Variants in ANKHD1 observed in about 807,000 individuals in gnomAD.
ANKHD1 encodes ankyrin repeat and KH domain-containing protein 1.
ANKHD1 carries 31 observed loss-of-function variants against 230.5 expected under a neutral mutation model. The observed-to-expected ratio is 0.13, with a 90% CI of 0.10 to 0.18. The LOEUF is 0.18. Among genes scored for constraint, ANKHD1 ranks in the 10% least tolerant of loss-of-function variants. The pLI, the probability that ANKHD1 is intolerant of heterozygous loss-of-function variation, is 1.00. For synonymous variants in ANKHD1, 1,074 were observed against 1,117.6 expected (o/e 0.96, Z 0.78); for missense variants, 2,256 against 3,071.3 (o/e 0.73, Z 6.27).
At chr5:140,510,309 CTTTTTTTTTTTTTT>C in intron 22 of ANKHD1, 128 bp downstream of exon 22, 1 of 539,198 alleles carries the variant, frequency 1.9e-6, no homozygotes, top group Non-Finnish European at 2.5e-6. Context: ...TCTTTCCATT[CTTTTTTTTTTTTTT>C]TTTTTTTGAG....
chr5:140,535,962 A>C (rs1754050065), intron 30 of ANKHD1: 1 of 152,094 alleles, frequency 6.6e-6, no homozygotes, highest in Admixed American at 6.6e-5. Flanking sequence ...CAGTGTTGTA[A>C]AATTATTTCT....
intron 10 of ANKHD1, among the ~76,000 whole-genome samples, chr5:140,481,963 T>G (rs1028737310): frequency 1.3e-5 from 2 of 152,068 alleles, no homozygotes; most frequent in African/African-American, 2.4e-5. Context: ...CATGCATGGT[T>G]AAAAACTGTT....
rs762029141 is a variant in ANKHD1, at chr5:140,527,864, A to T, written c.5088-9A>T. ...TTTCATAAGCTCATGTGTATTCTTC[A>T]TTTTATAGGTCAAAGAAATTGTCTG... On this transcript the variant is annotated splice_polypyrimidine_tract_variant and intron_variant, in intron 27 of 33. Coordinates refer to ENST00000360839, the MANE Select transcript of ANKHD1 (RefSeq NM_017747.3). This position sits in a 1 kb window ranked among gnomAD's most constrained non-coding sequence, Gnocchi z 4.5. 3.0e-5 allele frequency: 49 copies of T among 1,609,646 alleles called. No individual in the cohort carries two copies. Among genetic ancestry groups the T allele is most frequent in the Non-Finnish European group, 4.1e-5 (48 of 1,178,172 alleles).
At chr5:140,449,929 A>G (rs1270748908) in intron 7 of ANKHD1, among the ~76,000 whole-genome samples, 1 of 152,178 alleles carries the variant, frequency 6.6e-6, no homozygotes, top group Non-Finnish European at 1.5e-5. Context: ...TAAAACATTT[A>G]ACTGTTTTTT....
Position 140,402,156 on chromosome 5 carries a change from C to T in ANKHD1, c.189C>T (p.Gly63=). ...GAGTCGGCAGCAGCGGCGGCGGCGGCAGCGGCAGCGGTACGGGCGGAGGGG... is the reference window on the plus strand; with the variant it reads ...GAGTCGGCAGCAGCGGCGGCGGCGGTAGCGGCAGCGGTACGGGCGGAGGGG... ...ASGVGSSGGG[G]SGSGTGGGDA... The change falls in exon 1 of 34, where the codon GGC becomes GGT. Residue 63 remains glycine (G), a synonymous_variant. Coordinates refer to ENST00000360839, the MANE Select transcript of ANKHD1 (RefSeq NM_017747.3). The T allele has an allele frequency of 6.5e-7, 1 of 1,529,086 alleles. No individual in the cohort carries two copies. The highest frequency in any genetic ancestry group is 2.5e-5 in the East Asian group (1 of 40,362). 94.7% of individuals were successfully genotyped at this position (1,529,086 alleles called of 1,614,324 possible). A position where few individuals can be genotyped will look rare whatever the true frequency, so the allele number is the denominator to read the frequency against.
chr5:140,475,225 C>T (rs1488051586), intron 10 of ANKHD1, among the ~76,000 whole-genome samples: 6 of 152,184 alleles, frequency 3.9e-5, no homozygotes, highest in Non-Finnish European at 5.9e-5. Flanking sequence ...AATATGTAGT[C>T]GTGCCCCAAA....
chr5:140,445,907 A>G lies in ANKHD1; in HGVS notation c.1079A>G (p.His360Arg), dbSNP rs749571551. The G allele has an allele frequency of 1.2e-6, 2 of 1,613,378 alleles. No homozygotes were observed. Among genetic ancestry groups the G allele is most frequent in the East Asian group, 2.2e-5 (1 of 44,838 alleles). ...HVEVARVLLD[H>R]GAGINTHSNE... ...GAAGTTGCAAGAGTTCTTTTAGATCATGGTGCAGGCATCAACACTCATTCT... is the reference window on the plus strand; with the variant it reads ...GAAGTTGCAAGAGTTCTTTTAGATCGTGGTGCAGGCATCAACACTCATTCT... The change falls in exon 6 of 34, where the codon CAT becomes CGT. Residue 360 changes from histidine to arginine, a missense_variant. This residue lies in a region of ANKHD1 where 206 missense variants were observed against 304.5 expected (regional missense o/e 0.68). Coordinates refer to ENST00000360839, the MANE Select transcript of ANKHD1 (RefSeq NM_017747.3).
intron 2 of ANKHD1, among the ~76,000 whole-genome samples, chr5:140,437,802 A>G (rs1561719790): frequency 2.6e-5 from 4 of 152,132 alleles, no homozygotes; most frequent in South Asian, 4.1e-4. Context: ...AAAATCAACA[A>G]TTTTTGAGAG....
chr5:140,418,539 T>C (rs1279589101), intron 1 of ANKHD1, among the ~76,000 whole-genome samples: 1 of 152,178 alleles, frequency 6.6e-6, no homozygotes, highest in Non-Finnish European at 1.5e-5. Flanking sequence ...CGTGTACTCC[T>C]TAGCAGTCTT....
chr5:140,404,558 T>C (rs1581192646), intron 1 of ANKHD1, among the ~76,000 whole-genome samples: 1 of 151,738 alleles, frequency 6.6e-6, no homozygotes, highest in African/African-American at 2.4e-5. Flanking sequence ...TCAGCCTCCC[T>C]AGTAACTGGG....
chr5:140,454,208 A>G (rs1357073066), intron 7 of ANKHD1, among the ~76,000 whole-genome samples: 1 of 152,182 alleles, frequency 6.6e-6, no homozygotes, highest in Admixed American at 6.5e-5. Context: ...CAGATTCATA[A>G]AGCAAGTCCT....
intron 24 of ANKHD1, among the ~76,000 whole-genome samples, chr5:140,521,948 C>T (rs1259853311): frequency 1.3e-5 from 2 of 152,236 alleles, no homozygotes; most frequent in African/African-American, 4.8e-5. Flanking sequence ...CACTGCACTC[C>T]AGCCTGGGTG....
Position 140,485,329 on chromosome 5 carries a change from G to C in ANKHD1, c.1998+81G>C. The C allele has an allele frequency of 6.7e-7, 1 of 1,499,122 alleles. No individual in the cohort carries two copies. Among genetic ancestry groups the C allele is most frequent in the Non-Finnish European group, 8.9e-7 (1 of 1,121,040 alleles). 92.9% of individuals were successfully genotyped at this position (1,499,122 alleles called of 1,614,324 possible). The stretch of plus-strand genomic sequence containing the variant: ...CCCAGCACTTTAGAAAGCTGAGGCG[G>C]GTGGATCACTTGAGCCCAGGAGTTT... On this transcript the variant is annotated intron_variant, in intron 12 of 33. Transcript: ENST00000360839. The surrounding 1 kb of genome is among the most constrained non-coding windows in gnomAD (Gnocchi z 4.8).
chr5:140,422,525 G>C (rs1238039383), intron 1 of ANKHD1, among the ~76,000 whole-genome samples: 1 of 152,016 alleles, frequency 6.6e-6, no homozygotes, highest in African/African-American at 2.4e-5. Flanking sequence ...TATGTTCCCT[G>C]TCCTTAAAGA....
At chr5:140,446,442 C>T (rs1774288660) in intron 6 of ANKHD1, among the ~76,000 whole-genome samples, 1 of 152,168 alleles carries the variant, frequency 6.6e-6, no homozygotes, top group South Asian at 2.1e-4. Flanking sequence ...CCCACTGCAA[C>T]CTCTGCCTCC....
chr5:140,509,634 C>T lies in ANKHD1; in HGVS notation c.3766-3C>T, dbSNP rs956762634. 2 of 1,539,532 alleles carry T rather than the reference C, an allele frequency of 1.3e-6. No homozygotes were observed. Among genetic ancestry groups the T allele is most frequent in the Middle Eastern group, 1.7e-4 (1 of 5,790 alleles). ...TAGTTGCATAATTTATTGGTTTAAA[C>T]AGACGGGTCTTACCCCCTTGATGGA... On this transcript the variant is annotated splice_polypyrimidine_tract_variant and splice_region_variant and intron_variant, in intron 20 of 33. Coordinates refer to ENST00000360839, the MANE Select transcript of ANKHD1 (RefSeq NM_017747.3).
At chr5:140,448,458 C>T (rs1227231794) in intron 6 of ANKHD1, among the ~76,000 whole-genome samples, 1 of 152,118 alleles carries the variant, frequency 6.6e-6, no homozygotes, top group South Asian at 2.1e-4. Flanking sequence ...TACATATTGC[C>T]AAATTGCCTT....
rs572471210 is a variant in ANKHD1 at position 140,437,469 on chromosome 5, G to A, written c.461-992G>A. 6.6e-4 allele frequency among the ~76,000 whole-genome samples: 101 copies of A among 152,342 alleles called. 1 individual carries two copies. In the South Asian group the frequency reaches 0.016, roughly 24 times the overall value. On this transcript the variant is annotated intron_variant, in intron 2 of 33. Coordinates refer to ENST00000360839, the MANE Select transcript of ANKHD1 (RefSeq NM_017747.3). ...TGTAATCCCAGCACTTCGGGAGGCC[G>A]AGGCAGGTGGATCACTTGAGGTCAG... is the stretch of plus-strand genomic sequence containing the variant.
At position 140,436,272 on chromosome 5, in the gene ANKHD1, GT is replaced by G. The variant is rs1773439321; in HGVS notation, c.460+19del. 1 of 1,525,786 alleles carries G rather than the reference GT, an allele frequency of 6.6e-7. No individual in the cohort carries two copies. The highest frequency in any genetic ancestry group is 8.8e-7 in the Non-Finnish European group (1 of 1,139,432). The allele number at this position is 1,525,786 out of a possible 1,614,324, so 94.5% of individuals were successfully genotyped here. A position where few individuals can be genotyped will look rare whatever the true frequency, so the allele number is the denominator to read the frequency against. ...AGAAGCAGCAGGTACTTTATTTTTTGTTTTATCTTTTTCATATCTTTAAAAG... is the reference window on the plus strand; with the variant it reads ...AGAAGCAGCAGGTACTTTATTTTTTGTTTATCTTTTTCATATCTTTAAAAG... On this transcript the variant is annotated intron_variant, in intron 2 of 33. Coordinates refer to ENST00000360839, the MANE Select transcript of ANKHD1 (RefSeq NM_017747.3).
Sources: gnomAD v4.1 joint callset for allele counts (sites outside exome capture counted in the v4.1 genomes callset) on GRCh38, gnomAD v4.1.1 for gene constraint, gnomAD v4.1.1 regional missense constraint, Gnocchi (gnomAD v3.1) non-coding constraint, MANE v1.5 for transcripts, NCBI Gene and HGNC (gene_info 2026-07-23, HGNC 2026-07-21) for gene names.